PCLO: variants seen among roughly 807,000 people sequenced by gnomAD.
PCLO encodes piccolo presynaptic cytomatrix protein, also known as protein piccolo.
PCLO carries 82 observed loss-of-function variants against 427.5 expected under a neutral mutation model. The ratio of observed to expected loss-of-function variants is 0.19; its 90% confidence interval spans 0.16 to 0.23. The LOEUF (loss-of-function observed/expected upper bound fraction) is 0.23, where lower values mean the gene tolerates loss of function less well. Ranked by LOEUF, PCLO falls within the 10% of genes least tolerant of loss-of-function variation. PCLO has a pLI of 1.00. For synonymous variants in PCLO, 2,357 were observed against 2,155.4 expected (o/e 1.09, Z -2.59); for missense variants, 6,239 against 6,115.9 (o/e 1.02, Z -0.67).
At chr7:82,991,357 C>T (rs1796372532) in intron 3 of PCLO, among the ~76,000 whole-genome samples, 1 of 151,918 alleles carries the variant, frequency 6.6e-6, no homozygotes, top group Non-Finnish European at 1.5e-5. Context: ...GAGACTCCGT[C>T]TCTAAATAAA....
chr7:83,097,022 T>G (rs1422471093), intron 3 of PCLO, among the ~76,000 whole-genome samples: 1 of 37,428 alleles, frequency 2.7e-5, no homozygotes, highest in Non-Finnish European at 4.5e-5. Context: ...ATATTATATA[T>G]TATATAAATA....
intron 3 of PCLO, among the ~76,000 whole-genome samples, chr7:83,094,491 G>A (rs1584015168): frequency 6.6e-6 from 1 of 152,294 alleles, no homozygotes; most frequent in East Asian, 1.9e-4. Context: ...ATAGGCGTGA[G>A]CCACTGTGTC....
chr7:83,008,066 G>GT (rs752187864), intron 3 of PCLO, among the ~76,000 whole-genome samples: 2 of 151,514 alleles, frequency 1.3e-5, no homozygotes, highest in East Asian at 3.9e-4. Context: ...TATATTCCAA[G>GT]TAATACCTGT....
At chr7:83,081,757 T>C (rs1790106825) in intron 3 of PCLO, among the ~76,000 whole-genome samples, 1 of 151,798 alleles carries the variant, frequency 6.6e-6, no homozygotes, top group South Asian at 2.1e-4. Context: ...GTTTCATTTA[T>C]TGCTTCCTAA....
rs572827744 is a variant in PCLO, at chr7:82,831,563, T to C, written c.14250-3597A>G. Among the ~76,000 whole-genome samples, 13 of 152,292 alleles carry C rather than the reference T, an allele frequency of 8.5e-5. No individual in the cohort carries two copies. In the South Asian group the frequency reaches 2.7e-3, roughly 32 times the overall value. ...AATAGTACATCCGAAGTGAGTGTTG[T>C]GGAACAATTACGCCTACTTATTGTA... is the stretch of plus-strand genomic sequence containing the variant. On this transcript the variant is annotated intron_variant, in intron 16 of 24. Transcript: ENST00000333891.
chr7:82,988,388 A>C (rs190856854), intron 3 of PCLO, among the ~76,000 whole-genome samples: 1 of 152,266 alleles, frequency 6.6e-6, no homozygotes, highest in Non-Finnish European at 1.5e-5. Flanking sequence ...AAGAAAAAAT[A>C]ATCAGATATA....
At chr7:82,802,115 A>C (rs925463851) in intron 21 of PCLO, among the ~76,000 whole-genome samples, 1 of 151,750 alleles carries the variant, frequency 6.6e-6, no homozygotes, top group Non-Finnish European at 1.5e-5. Context: ...TGTGTTGAGC[A>C]AACTGGCTTT....
rs779665342 is a variant in PCLO, at chr7:82,952,217, C to T, written c.8736G>A (p.Met2912Ile). Residue 2912 changes from methionine to isoleucine, a missense_variant, in exon 5 of 25, where the codon ATG becomes ATA. Met to Ile is a conservative substitution (Grantham distance 10). Transcript: ENST00000333891. The part of the protein sequence containing the change: ...TTKSHRTVVT[M>I]DESTSSVMTK... ...TCATCACACTTGAAGTAGACTCATC[C>T]ATTGTTACGACTGTTCTGTGAGACT... 2.4e-5 allele frequency: 38 copies of T among 1,613,724 alleles called. No individual in the cohort carries two copies. The South Asian group carries it at 4.1e-4, about 17-fold the overall frequency.
chr7:82,953,325 G>A lies in PCLO; in HGVS notation c.7628C>T (p.Thr2543Ile), dbSNP rs1223041293. 1 of 1,613,740 alleles carries A rather than the reference G, an allele frequency of 6.2e-7. No homozygotes were observed. The highest frequency in any genetic ancestry group is 1.1e-5 in the South Asian group (1 of 91,084). The part of the protein sequence containing the change: ...PTGLSLTSSM[T>I]LNLVTSADYK... ...ATCTGCTGAAGTCACTAAATTTAAG[G>A]TCATACTTGAAGTTAAAGATAGGCC... is the stretch of plus-strand genomic sequence containing the variant. The change falls in exon 5 of 25, where the codon ACC (threonine) becomes ATC (isoleucine). Residue 2543 changes from threonine (T) to isoleucine (I), a missense_variant. Thr to Ile is a moderately conservative substitution (Grantham distance 89). Coordinates refer to ENST00000333891, the MANE Select transcript of PCLO (RefSeq NM_033026.6).
rs1445718941 is a variant in PCLO, at chr7:83,134,746, C to T, written c.2804G>A (p.Gly935Glu). 3.7e-6 allele frequency: 6 copies of T among 1,613,852 alleles called. No individual in the cohort carries two copies. Among genetic ancestry groups the T allele is most frequent in the Non-Finnish European group, 5.1e-6 (6 of 1,179,870 alleles). ...ETVTGKLFGF[G>E]ASIFSQASNL... ...TGATGCCTGGCTGAAGATTGATGCT[C>T]CAAACCCAAAGAGTTTCCCAGTCAC... The change falls in exon 3 of 25, where the codon GGA becomes GAA. Residue 935 changes from glycine (G) to glutamate (E), a missense_variant. This residue lies in a region of PCLO where 4,677 missense variants were observed against 4,468.4 expected (regional missense o/e 1.05). Transcript: ENST00000333891.
chr7:82,795,331 ATGT>A (rs937978498), intron 22 of PCLO, among the ~76,000 whole-genome samples: 17 of 152,234 alleles, frequency 1.1e-4, no homozygotes, highest in African/African-American at 4.1e-4. Context: ...GTGTAATTTA[ATGT>A]TGTTTTGAAT....
chr7:82,933,816 G>C (rs1359223938), intron 6 of PCLO, among the ~76,000 whole-genome samples: 2 of 151,918 alleles, frequency 1.3e-5, no homozygotes, highest in East Asian at 1.9e-4. Context: ...GTCTTTACAA[G>C]TGAATTTTCC....
intron 3 of PCLO, among the ~76,000 whole-genome samples, chr7:82,984,408 CTG>C (rs5885327): frequency 0.014 from 1,884 of 135,710 alleles, 13 homozygotes; most frequent in Admixed American, 0.027. Flanking sequence ...AATGTGGTGT[CTG>C]TGTGTGTGTG....
intron 3 of PCLO, among the ~76,000 whole-genome samples, chr7:83,073,261 T>A (rs1789864320): frequency 6.6e-6 from 1 of 152,016 alleles, no homozygotes; most frequent in South Asian, 2.1e-4. Context: ...TTAGTTAAAA[T>A]TACAGCCCAT....
intron 22 of PCLO, among the ~76,000 whole-genome samples, chr7:82,766,397 CA>C (rs1324460452): frequency 6.6e-6 from 1 of 151,878 alleles, no homozygotes; most frequent in Non-Finnish European, 1.5e-5. Flanking sequence ...AAAGAGGTAG[CA>C]AAAAACCTAG....
chr7:83,024,463 G>A (rs908141817), intron 3 of PCLO, among the ~76,000 whole-genome samples: 2 of 152,148 alleles, frequency 1.3e-5, no homozygotes, highest in African/African-American at 4.8e-5. Context: ...CTACGCCCAC[G>A]GAGTCTCGCT....
At position 82,793,302 on chromosome 7, in the gene PCLO, G is replaced by A. The variant is rs551201170; in HGVS notation, c.15007+8216C>T. ...GACCTTCCCACCTGGGGTTTTTAAG[G>A]GTAGTACCTATGTGTGTGGCCGACG... On this transcript the variant is annotated intron_variant, in intron 22 of 24. Transcript: ENST00000333891. 6.6e-5 allele frequency among the ~76,000 whole-genome samples: 10 copies of A among 152,238 alleles called. No homozygotes were observed. The East Asian group carries it at 1.9e-3, about 29-fold the overall frequency.
At chr7:82,821,552 AC>A (rs1485414192) in intron 20 of PCLO, 1 of 977,096 alleles carries the variant, frequency 1.0e-6, no homozygotes, top group African/African-American at 1.8e-5. Context: ...GTAACAGGGT[AC>A]CTACATTTGT....
At chr7:82,898,963 C>T (rs1219923557) in intron 9 of PCLO, among the ~76,000 whole-genome samples, 1 of 151,076 alleles carries the variant, frequency 6.6e-6, no homozygotes. Context: ...TGTGCATTTC[C>T]AAAAGATACA....
Sources: allele counts gnomAD v4.1 joint callset (sites outside exome capture counted in the v4.1 genomes callset), GRCh38; gene constraint gnomAD v4.1.1; regional missense constraint gnomAD v4.1.1; transcripts MANE v1.5; gene names NCBI Gene and HGNC (gene_info 2026-07-23, HGNC 2026-07-21).